RBM25: variants seen among roughly 807,000 people sequenced by gnomAD.
RBM25 encodes RNA-binding protein 25.
A neutral mutation model predicts 120.7 loss-of-function variants in RBM25; 19 were observed. That is an observed-to-expected ratio of 0.16 (90% CI 0.11 to 0.23). The LOEUF (loss-of-function observed/expected upper bound fraction) is 0.23, where lower values mean the gene tolerates loss of function less well. RBM25 is among the 10% of genes least tolerant of loss of function. The pLI, the probability that RBM25 is intolerant of heterozygous loss-of-function variation, is 1.00. For synonymous variants in RBM25, 390 were observed against 326.7 expected (o/e 1.19, Z -2.09); for missense variants, 605 against 1,041.5 (o/e 0.58, Z 5.77).
At position 73,088,032 on chromosome 14, in the gene RBM25, A is replaced by G. The variant is rs140836686; in HGVS notation, c.414A>G (p.Glu138=). 381 of 1,614,178 alleles carry G rather than the reference A, an allele frequency of 2.4e-4. 1 individual carries two copies. The African/African-American group carries it at 3.6e-3, about 15-fold the overall frequency. ...AFGFCEYKEP[E]STLRALRLLH... Reference sequence around the variant, plus strand: ...GATTCTGTGAGTACAAGGAGCCAGAATCTACCCTCCGTGCACTCAGATTAT... The same window carrying G: ...GATTCTGTGAGTACAAGGAGCCAGAGTCTACCCTCCGTGCACTCAGATTAT... The change falls in exon 6 of 19, where the codon GAA becomes GAG. Residue 138 remains glutamate, a synonymous_variant. Transcript: ENST00000261973.
intron 4 of RBM25, 41 bp downstream of exon 4, chr14:73,077,577 C>T: frequency 6.8e-7 from 1 of 1,478,096 alleles, no homozygotes; most frequent in South Asian, 1.4e-5. Flanking sequence ...ATTTTTTTAT[C>T]ATTCTACATT....
chr14:73,071,750 A>G lies in RBM25; in HGVS notation c.106+3A>G. 1 of 1,599,072 alleles carries G rather than the reference A, an allele frequency of 6.3e-7. No individual in the cohort carries two copies. The highest frequency in any genetic ancestry group is 8.6e-7 in the Non-Finnish European group (1 of 1,166,596). The stretch of plus-strand genomic sequence containing the variant: ...ATTTCCTCCACCTGTACCTCCAGGT[A>G]AGTTTGTTGATACTGTTTTTTGTCG... On this transcript the variant is annotated splice_donor_region_variant and intron_variant, in intron 2 of 18. Coordinates refer to ENST00000261973, the MANE Select transcript of RBM25 (RefSeq NM_021239.3).
intron 1 of RBM25, among the ~76,000 whole-genome samples, chr14:73,069,617 G>A (rs1895225556): frequency 6.6e-6 from 1 of 151,450 alleles, no homozygotes; most frequent in African/African-American, 2.4e-5. Flanking sequence ...ATTTTTAGTG[G>A]AGATGGGGTT....
chr14:73,084,529 G>T (rs141477551), intron 5 of RBM25, among the ~76,000 whole-genome samples: 40 of 152,028 alleles, frequency 2.6e-4, no homozygotes, highest in African/African-American at 9.4e-4. Flanking sequence ...GATGTGTGCT[G>T]TGTGGTGGTT....
chr14:73,114,275 T>G lies in RBM25; in HGVS notation c.2392-11T>G, dbSNP rs1896377032. 6.6e-7 allele frequency: 1 copy of G among 1,520,402 alleles called. No homozygotes were observed. Among genetic ancestry groups the G allele is most frequent in the Admixed American group, 2.2e-5 (1 of 45,970 alleles). The allele number at this position is 1,520,402 out of a possible 1,614,324, so 94.2% of individuals were successfully genotyped here. A position where few individuals can be genotyped will look rare whatever the true frequency, so the allele number is the denominator to read the frequency against. The stretch of plus-strand genomic sequence containing the variant: ...TTTATTTTTAATGTGACAATTATTT[T>G]TCTCTTTTAGGTTATGGCTCATAGT... On this transcript the variant is annotated splice_polypyrimidine_tract_variant and intron_variant, in intron 17 of 18. Transcript: ENST00000261973.
intron 6 of RBM25, among the ~76,000 whole-genome samples, chr14:73,094,260 T>TTTG (rs1177756582): frequency 2.0e-5 from 3 of 151,380 alleles, no homozygotes; most frequent in Admixed American, 1.3e-4. Flanking sequence ...GCCTAGGTTT[T>TTTG]TTGTTGTTGT....
intron 8 of RBM25, 41 bp from the exon 9 acceptor site, chr14:73,099,626 G>T (rs772788162): frequency 1.9e-6 from 3 of 1,588,834 alleles, no homozygotes; most frequent in African/African-American, 1.4e-5. Flanking sequence ...TTGAAGTAGG[G>T]TGTTCTTTAT....
chr14:73,068,298 G>T (rs1340426174), intron 1 of RBM25: 3 of 815,292 alleles, frequency 3.7e-6, no homozygotes, highest in Admixed American at 3.6e-5. Context: ...TCACTCTCTT[G>T]TGAGTACCAA....
At chr14:73,095,532 G>A (rs1895923461) in intron 6 of RBM25, among the ~76,000 whole-genome samples, 1 of 151,926 alleles carries the variant, frequency 6.6e-6, no homozygotes, top group South Asian at 2.1e-4. Flanking sequence ...TGTGAAACTG[G>A]GAGGCCAGAG....
intron 12 of RBM25, among the ~76,000 whole-genome samples, chr14:73,107,015 ATT>A (rs1247757672): frequency 1.3e-5 from 2 of 151,098 alleles, no homozygotes; most frequent in Non-Finnish European, 2.9e-5. Context: ...AATATTTTGT[ATT>A]TTTAGTAGAG....
chr14:73,068,201 G>T (rs1329294536), intron 1 of RBM25: 2 of 872,400 alleles, frequency 2.3e-6, no homozygotes, highest in Admixed American at 3.6e-5. Context: ...CCTTGTTTTG[G>T]AACAAATGTT....
Position 73,111,717 on chromosome 14 carries a change from A to G in RBM25, c.2207A>G (p.Lys736Arg). The G allele has an allele frequency of 6.2e-7, 1 of 1,614,162 alleles. No homozygotes were observed. Among genetic ancestry groups the G allele is most frequent in the Non-Finnish European group, 8.5e-7 (1 of 1,180,008 alleles). Residue 736 changes from lysine (K) to arginine (R), a missense_variant, in exon 16 of 19, where the codon AAA becomes AGA. This residue lies in a region of RBM25 where 465 missense variants were observed against 741.6 expected (regional missense o/e 0.63). Coordinates refer to ENST00000261973, the MANE Select transcript of RBM25 (RefSeq NM_021239.3). ...KGTVNTEEKR[K>R]HIKSLIEKIP... Reference sequence around the variant, plus strand: ...ACTGTAAACACTGAAGAAAAGCGTAAACACATTAAGAGTCTCATTGAGAAA... The same window carrying G: ...ACTGTAAACACTGAAGAAAAGCGTAGACACATTAAGAGTCTCATTGAGAAA...
At position 73,111,813 on chromosome 14, in the gene RBM25, A is replaced by G. The variant is rs1261167764; in HGVS notation, c.2292+11A>G. On this transcript the variant is annotated intron_variant, in intron 16 of 18. Transcript: ENST00000261973. ...TCTATTGTGGATTCTGTGAGTAGGA[A>G]ATTATATTTCATCATATTATTGGGA... 1 of 1,565,412 alleles carries G rather than the reference A, an allele frequency of 6.4e-7. No individual in the cohort carries two copies. The highest frequency in any genetic ancestry group is 1.4e-5 in the African/African-American group (1 of 72,610).
At position 73,058,591 on chromosome 14, in the gene RBM25, G is replaced by C. The variant is rs909764676; in HGVS notation, c.-130G>C. The C allele has an allele frequency of 6.6e-6, 1 of 152,190 alleles. No homozygotes were observed. The highest frequency in any genetic ancestry group is 2.4e-5 in the African/African-American group (1 of 41,434). The allele number at this position is 152,190 out of a possible 1,614,324, so 9.4% of individuals were successfully genotyped here. ...GTATTTGCGGCCTGTGCGAGTAGGC[G>C]CTTGGGCACTCAGTCTCCCTGGCGA... On this transcript the variant is annotated 5_prime_UTR_variant, in exon 1 of 19. Transcript: ENST00000261973.
chr14:73,079,165 G>A (rs1163710348), intron 4 of RBM25, among the ~76,000 whole-genome samples: 1 of 150,126 alleles, frequency 6.7e-6, no homozygotes, highest in African/African-American at 2.4e-5. Flanking sequence ...TCTCACACCT[G>A]TAATCCCGGC....
At chr14:73,067,440 T>C (rs960801765) in intron 1 of RBM25, among the ~76,000 whole-genome samples, 5 of 152,050 alleles carry the variant, frequency 3.3e-5, no homozygotes, top group African/African-American at 1.2e-4. Context: ...GCAGTCTTGC[T>C]CTGTCACCAG....
Position 73,071,689 on chromosome 14 carries a change from A to G in RBM25, c.48A>G (p.Ala16=), listed in dbSNP as rs769161146. The G allele has an allele frequency of 4.0e-5, 65 of 1,613,548 alleles. No homozygotes were observed. Among genetic ancestry groups the G allele is most frequent in the Non-Finnish European group, 5.3e-5 (62 of 1,179,900 alleles). The change falls in exon 2 of 19, where the codon GCA becomes GCG. Residue 16 remains alanine (A), a synonymous_variant. Transcript: ENST00000261973. The part of the protein sequence containing the change: ...HLNRPPMGIP[A]LPPGIPPPQF... The stretch of plus-strand genomic sequence containing the variant: ...ATCGCCCTCCCATGGGAATCCCAGC[A>G]CTCCCACCAGGGATCCCACCCCCGC...
chr14:73,084,276 G>T (rs2039119284), intron 5 of RBM25, among the ~76,000 whole-genome samples: 5 of 152,084 alleles, frequency 3.3e-5, no homozygotes, highest in Admixed American at 3.3e-4. Context: ...TTGGCAATTT[G>T]TTTTAAGTCT....
intron 3 of RBM25, among the ~76,000 whole-genome samples, chr14:73,077,119 A>C (rs1895441490): frequency 6.6e-6 from 1 of 152,196 alleles, no homozygotes; most frequent in Non-Finnish European, 1.5e-5. Context: ...AACATAACAA[A>C]GTTTTCTTGG....
Sources: gnomAD v4.1 joint callset for allele counts (sites outside exome capture counted in the v4.1 genomes callset) on GRCh38, gnomAD v4.1.1 for gene constraint, gnomAD v4.1.1 regional missense constraint, MANE v1.5 for transcripts, NCBI Gene and HGNC (gene_info 2026-07-23, HGNC 2026-07-21) for gene names.